ADGRB3: variants seen among roughly 807,000 people sequenced by gnomAD.
The protein encoded by ADGRB3 is adhesion G protein-coupled receptor B3.
ADGRB3 carries 37 observed loss-of-function variants against 193.4 expected under a neutral mutation model. The observed-to-expected ratio is 0.19, with a 90% CI of 0.15 to 0.25. The LOEUF is 0.25. ADGRB3 is among the 10% of genes least tolerant of loss of function. The pLI is 1.00. For missense variants in ADGRB3, 1,637 were observed against 1,852.9 expected, an observed-to-expected ratio of 0.88 and a Z score of 2.14; for synonymous variants, 690 against 644.2, an observed-to-expected ratio of 1.07 and a Z score of -1.08.
intron 3 of ADGRB3, among the ~76,000 whole-genome samples, chr6:68,770,361 G>A (rs1235796334): frequency 2.0e-5 from 3 of 152,026 alleles, no homozygotes; most frequent in African/African-American, 7.2e-5. Context: ...TTGCCTTTCT[G>A]CATCTCATTA....
At position 69,262,495 on chromosome 6, in the gene ADGRB3, T is replaced by C. The variant is rs561645177; in HGVS notation, c.2814+23269T>C. Among the ~76,000 whole-genome samples the C allele has an allele frequency of 5.9e-5, 9 of 152,120 alleles. 1 individual carries two copies. The South Asian group carries it at 1.9e-3, about 32-fold the overall frequency. On this transcript the variant is annotated intron_variant, in intron 20 of 31. Transcript: ENST00000370598. ...GGTTAGGACCACAGTCATGACATGT[T>C]ACTTCCAATTCTCCTATGTTTTCAA...
chr6:69,223,179 G>C (rs533573616), intron 17 of ADGRB3, among the ~76,000 whole-genome samples: 28 of 152,140 alleles, frequency 1.8e-4, no homozygotes, highest in Non-Finnish European at 2.9e-4. Flanking sequence ...TCAAATAGCT[G>C]TTTATATAAA....
intron 13 of ADGRB3, among the ~76,000 whole-genome samples, chr6:69,043,197 A>G (rs1404710711): frequency 6.6e-6 from 1 of 151,762 alleles, no homozygotes; most frequent in Non-Finnish European, 1.5e-5. Flanking sequence ...GGCAGATTCT[A>G]TAAGAAAGAA....
chr6:68,682,026 C>A (rs577164589), intron 3 of ADGRB3, among the ~76,000 whole-genome samples: 1 of 152,184 alleles, frequency 6.6e-6, no homozygotes, highest in Non-Finnish European at 1.5e-5. Flanking sequence ...GGAGGTTCCA[C>A]TGTCATGGTT....
At chr6:68,817,344 TATATATATA>T (rs1361825305) in intron 3 of ADGRB3, among the ~76,000 whole-genome samples, 11 of 112,216 alleles carry the variant, frequency 9.8e-5, no homozygotes, top group African/African-American at 4.5e-4. Context: ...TATATATATA[TATATATATA>T]TATATATAAT....
At chr6:69,275,963 A>T (rs1767294945) in intron 20 of ADGRB3, among the ~76,000 whole-genome samples, 1 of 152,206 alleles carries the variant, frequency 6.6e-6, no homozygotes, top group Non-Finnish European at 1.5e-5. Context: ...AGGCCTAGCC[A>T]TTCTCCTCTT....
chr6:68,803,975 C>T (rs1767358357), intron 3 of ADGRB3, among the ~76,000 whole-genome samples: 1 of 152,180 alleles, frequency 6.6e-6, no homozygotes, highest in Admixed American at 6.5e-5. Flanking sequence ...ATTGCTCACA[C>T]TTGATTTTAA....
At chr6:69,357,490 A>G (rs778175419) in intron 28 of ADGRB3, among the ~76,000 whole-genome samples, 1 of 151,990 alleles carries the variant, frequency 6.6e-6, no homozygotes, top group Non-Finnish European at 1.5e-5. Context: ...TTCAAACTGT[A>G]GTTAAAAGAG....
chr6:69,334,246 G>A (rs146185404), intron 24 of ADGRB3, among the ~76,000 whole-genome samples: 164 of 151,768 alleles, frequency 1.1e-3, no homozygotes, highest in African/African-American at 3.8e-3. Flanking sequence ...ATAATTTGTG[G>A]TATTATTTAA....
At position 68,745,891 on chromosome 6, in the gene ADGRB3, T is replaced by G. The variant is rs537481780; in HGVS notation, c.757+106459T>G. Among the ~76,000 whole-genome samples, 3 of 152,164 alleles carry G rather than the reference T, an allele frequency of 2.0e-5. No homozygotes were observed. The South Asian group carries it at 6.2e-4, about 32-fold the overall frequency. ...TTCCATGTCTCCTTATTGCGATTTG[T>G]AATAATGATACTGTTGATGATGATA... On this transcript the variant is annotated intron_variant, in intron 3 of 31. Transcript: ENST00000370598.
At chr6:69,146,492 C>T (rs748541766) in intron 17 of ADGRB3, among the ~76,000 whole-genome samples, 1 of 152,202 alleles carries the variant, frequency 6.6e-6, no homozygotes, top group Non-Finnish European at 1.5e-5. Flanking sequence ...CCTGCCTGCT[C>T]CCAGCTCCCA....
chr6:68,772,892 A>ATATAT (rs1293211041), intron 3 of ADGRB3, among the ~76,000 whole-genome samples: 48 of 30,530 alleles, frequency 1.6e-3, no homozygotes, highest in Non-Finnish European at 1.6e-3. Context: ...CAAAAAAAAA[A>ATATAT]AAATATATAT....
chr6:68,887,643 G>T (rs1011167966), intron 3 of ADGRB3, among the ~76,000 whole-genome samples: 2 of 149,922 alleles, frequency 1.3e-5, no homozygotes, highest in Non-Finnish European at 3.0e-5. Context: ...TTTCCAATTT[G>T]ACTTAACTCT....
chr6:69,313,890 AACATTTAAC>A (rs1446684899), intron 20 of ADGRB3, among the ~76,000 whole-genome samples: 5 of 151,752 alleles, frequency 3.3e-5, no homozygotes, highest in African/African-American at 1.2e-4. Flanking sequence ...CTGTGGTGAG[AACATTTAAC>A]ACTTTACTCT....
intron 3 of ADGRB3, among the ~76,000 whole-genome samples, chr6:68,648,467 T>G (rs1334153268): frequency 1.4e-5 from 2 of 142,472 alleles, no homozygotes; most frequent in South Asian, 2.2e-4. Flanking sequence ...AGTGTGAGTT[T>G]TTTTGTTTTT....
chr6:68,965,936 A>G (rs1052511943), intron 8 of ADGRB3, among the ~76,000 whole-genome samples: 3 of 152,250 alleles, frequency 2.0e-5, no homozygotes, highest in East Asian at 3.9e-4. Context: ...ACAAATCTCT[A>G]TCTCTAGCTT....
chr6:69,207,351 A>T (rs1213808386), intron 17 of ADGRB3, among the ~76,000 whole-genome samples: 1 of 152,178 alleles, frequency 6.6e-6, no homozygotes, highest in African/African-American at 2.4e-5. Flanking sequence ...GTCAGTTGAT[A>T]AATGTGCCAG....
At chr6:68,767,727 A>G (rs892267318) in intron 3 of ADGRB3, among the ~76,000 whole-genome samples, 1 of 152,152 alleles carries the variant, frequency 6.6e-6, no homozygotes, top group African/African-American at 2.4e-5. Context: ...AGGGTCTTCA[A>G]ATAGGAAGAG....
chr6:68,941,594 A>G (rs1284865395), intron 5 of ADGRB3, among the ~76,000 whole-genome samples: 1 of 152,066 alleles, frequency 6.6e-6, no homozygotes, highest in East Asian at 1.9e-4. Context: ...AAATGAGCGG[A>G]AGCAGCAATA....
Sources: gnomAD v4.1 joint callset for allele counts (sites outside exome capture counted in the v4.1 genomes callset) on GRCh38, gnomAD v4.1.1 for gene constraint, MANE v1.5 for transcripts, NCBI Gene and HGNC (gene_info 2026-07-23, HGNC 2026-07-21) for gene names.